The following FANCA variants were observed in gnomAD, a reference collection of about 807,000 sequenced individuals.
The protein encoded by FANCA is FA complementation group A, also known as Fanconi anemia group A protein.
Under a neutral mutation model 194.3 loss-of-function variants are expected in FANCA, and 236 were observed. That is an observed-to-expected ratio of 1.21 (90% CI 1.09 to 1.35). FANCA has a LOEUF of 1.35. Ranked by LOEUF, FANCA falls within the 40% of genes most tolerant of loss-of-function variation. FANCA has a pLI of 0.00. For missense variants in FANCA, 2,628 were observed against 1,813.9 expected (o/e 1.45, Z -8.15); for synonymous variants, 1,014 against 715.8 (o/e 1.42, Z -6.65).
intron 10 of FANCA, 182 bp downstream of exon 10, chr16:89,798,984 C>T: frequency 6.2e-7 from 1 of 1,613,808 alleles, no homozygotes; most frequent in Non-Finnish European, 8.5e-7. Flanking sequence ...AAAGGCTGAC[C>T]AGAGCGTTCC....
chr16:89,748,512 T>G lies in FANCA; in HGVS notation c.3348+147A>C. On this transcript the variant is annotated intron_variant, in intron 33 of 42. Coordinates refer to ENST00000389301, the MANE Select transcript of FANCA (RefSeq NM_000135.4). ...GCTGTGGGTGGGGTCCTCCCTCACA[T>G]GGCATTCCAGACACTGTTCCCTATT... The G allele has an allele frequency of 1.1e-5, 8 of 735,916 alleles. No homozygotes were observed. The South Asian group carries it at 1.2e-4, about 11-fold the overall frequency. 45.6% of individuals were successfully genotyped at this position (735,916 alleles called of 1,614,324 possible). A position where few individuals can be genotyped will look rare whatever the true frequency, so the allele number is the denominator to read the frequency against.
intron 10 of FANCA, among the ~76,000 whole-genome samples, chr16:89,798,158 C>A (rs999500918): frequency 6.6e-6 from 1 of 152,140 alleles, no homozygotes; most frequent in African/African-American, 2.4e-5. Context: ...TTGCTCTCCC[C>A]TCTCTACCTC....
At position 89,784,806 on chromosome 16, in the gene FANCA, A is replaced by C. The variant is rs775490862; in HGVS notation, c.1470+48T>G. ...GGCCAAGGCAGTCCTCAGATGCAGC[A>C]GGTGAGCGAAGCACCAGAAATCATG... On this transcript the variant is annotated intron_variant, in intron 15 of 42. Coordinates refer to ENST00000389301, the MANE Select transcript of FANCA (RefSeq NM_000135.4). 9 of 1,417,202 alleles carry C rather than the reference A, an allele frequency of 6.4e-6. 1 individual carries two copies. The South Asian group carries it at 6.9e-5, about 11-fold the overall frequency. The allele number at this position is 1,417,202 out of a possible 1,614,324, so 87.8% of individuals were successfully genotyped here.
intron 3 of FANCA, among the ~76,000 whole-genome samples, chr16:89,811,319 C>T (rs553555215): frequency 6.6e-6 from 1 of 152,330 alleles, no homozygotes; most frequent in Admixed American, 6.5e-5. Context: ...TTACGTTTCC[C>T]ATGACACAAA....
chr16:89,775,366 A>G (rs1214871370), intron 21 of FANCA, among the ~76,000 whole-genome samples: 2 of 152,320 alleles, frequency 1.3e-5, no homozygotes, highest in East Asian at 3.9e-4. Context: ...AAAGTGCTGC[A>G]TGACACTCCC....
chr16:89,806,986 C>T (rs1216022073), intron 6 of FANCA, among the ~76,000 whole-genome samples: 1 of 152,062 alleles, frequency 6.6e-6, no homozygotes, highest in African/African-American at 2.4e-5. Flanking sequence ...GGGCTGACTC[C>T]CCCACCTCCC....
Position 89,752,195 on chromosome 16 carries a change from A to G in FANCA, c.3009T>C (p.Asn1003=), listed in dbSNP as rs1001303157. 1 of 1,614,118 alleles carries G rather than the reference A, an allele frequency of 6.2e-7. No homozygotes were observed. Among genetic ancestry groups the G allele is most frequent in the Non-Finnish European group, 8.5e-7 (1 of 1,179,984 alleles). ...TGCGGCCACCAAAGACCAAATCAGA[A>G]TTTTCTGAGTGGTCATAACTCCTTG... ...QSSRSYDHSE[N]SDLVFGGRTG... Residue 1003 remains asparagine, a synonymous_variant, in exon 31 of 43, where the codon AAT becomes AAC. Transcript: ENST00000389301.
chr16:89,781,453 C>T (rs1343858520), intron 17 of FANCA, among the ~76,000 whole-genome samples: 2 of 149,128 alleles, frequency 1.3e-5, no homozygotes, highest in Non-Finnish European at 3.0e-5. Flanking sequence ...GCGGGCAGAT[C>T]ACGAGGTCAG....
intron 3 of FANCA, among the ~76,000 whole-genome samples, chr16:89,812,827 G>A (rs930992333): frequency 1.3e-5 from 2 of 151,724 alleles, no homozygotes; most frequent in African/African-American, 4.8e-5. Flanking sequence ...GAGGTCAGGA[G>A]TTTGAGACCA....
chr16:89,744,349 AC>A (rs2062197668), intron 36 of FANCA, among the ~76,000 whole-genome samples: 1 of 152,146 alleles, frequency 6.6e-6, no homozygotes, highest in African/African-American at 2.4e-5. Flanking sequence ...AGAACACGGC[AC>A]CCACATTCAG....
At chr16:89,768,712 A>G (rs17226687) in intron 26 of FANCA, among the ~76,000 whole-genome samples, 12 of 152,078 alleles carry the variant, frequency 7.9e-5, no homozygotes, top group African/African-American at 2.7e-4. Context: ...CACCAAATAT[A>G]TATTTCATTC....
Position 89,767,135 on chromosome 16 carries a change from A to G in FANCA, c.2601+6T>C. 1 of 1,601,890 alleles carries G rather than the reference A, an allele frequency of 6.2e-7. No homozygotes were observed. Among genetic ancestry groups the G allele is most frequent in the Non-Finnish European group, 8.6e-7 (1 of 1,168,914 alleles). ...GAATGGAAAAATAGGAAAAGAGTGA[A>G]CCTACCTTTTTAATAAGGCCTGGAG... On this transcript the variant is annotated splice_donor_region_variant and intron_variant, in intron 27 of 42. Coordinates refer to ENST00000389301, the MANE Select transcript of FANCA (RefSeq NM_000135.4).
chr16:89,763,725 T>G (rs2039028685), intron 28 of FANCA, among the ~76,000 whole-genome samples: 1 of 148,866 alleles, frequency 6.7e-6, no homozygotes, highest in African/African-American at 2.5e-5. Context: ...GATCACGAGG[T>G]CAGGAGGTCG....
At chr16:89,816,221 A>T in intron 1 of FANCA, 1 of 511,848 alleles carries the variant, frequency 2.0e-6, no homozygotes, top group Non-Finnish European at 3.6e-6. Context: ...ACGGCTGGCG[A>T]GGGGCGGCCT....
At chr16:89,780,649 C>T (rs1027876087) in intron 17 of FANCA, among the ~76,000 whole-genome samples, 1 of 151,612 alleles carries the variant, frequency 6.6e-6, no homozygotes, top group East Asian at 1.9e-4. Context: ...CATTCTGAGG[C>T]CAGGCGCGGC....
At chr16:89,783,365 A>G (rs2039786507) in intron 15 of FANCA, among the ~76,000 whole-genome samples, 1 of 151,962 alleles carries the variant, frequency 6.6e-6, no homozygotes, top group African/African-American at 2.4e-5. Flanking sequence ...CCTGGCTAAC[A>G]TGGTGAAACC....
chr16:89,746,457 T>C, intron 35 of FANCA, 127 bp downstream of exon 35: 2 of 782,428 alleles, frequency 2.6e-6, no homozygotes, highest in South Asian at 1.4e-5. Flanking sequence ...GGCTTCCATG[T>C]CTCCTGATGC....
In FANCA at chr16:89,792,060, C is replaced by G. The variant is rs762207218; in HGVS notation, c.1092G>C (p.Val364=). 1 of 1,614,218 alleles carries G rather than the reference C, an allele frequency of 6.2e-7. No homozygotes were observed. The highest frequency in any genetic ancestry group is 1.7e-5 in the Admixed American group (1 of 60,024). Residue 364 remains valine (V), a synonymous_variant, in exon 13 of 43, where the codon GTG becomes GTC. Coordinates refer to ENST00000389301, the MANE Select transcript of FANCA (RefSeq NM_000135.4). ...LLTSLYRRLF[V]MLSAEELVGH... is the part of the protein sequence containing the mutation. ...CAACCAACTCCTCTGCACTCAGCAT[C>G]ACAAAGAGCTGAAATAAAAGCATCC...
chr16:89,779,597 G>A (rs1348563659), intron 18 of FANCA, among the ~76,000 whole-genome samples: 3 of 152,196 alleles, frequency 2.0e-5, no homozygotes, highest in Non-Finnish European at 2.9e-5. Flanking sequence ...CAAATGCACA[G>A]CTCTTGACCT....
Sources: allele counts gnomAD v4.1 joint callset (sites outside exome capture counted in the v4.1 genomes callset), GRCh38; gene constraint gnomAD v4.1.1; transcripts MANE v1.5; gene names NCBI Gene and HGNC (gene_info 2026-07-23, HGNC 2026-07-21).